PAPOLG: variants seen among roughly 807,000 people sequenced by gnomAD.
PAPOLG encodes the protein PAP-gamma.
PAPOLG carries 40 observed loss-of-function variants against 99.0 expected under a neutral mutation model. That is an observed-to-expected ratio of 0.40 (90% CI 0.31 to 0.53). The LOEUF (loss-of-function observed/expected upper bound fraction) is 0.53, where lower values mean the gene tolerates loss of function less well. Ranked by LOEUF, PAPOLG falls within the 20% of genes least tolerant of loss-of-function variation. The pLI, the probability that PAPOLG is intolerant of heterozygous loss-of-function variation, is 0.41. For synonymous variants in PAPOLG, 310 were observed against 299.3 expected (o/e 1.04, Z -0.37); for missense variants, 675 against 884.1 (o/e 0.76, Z 3.00).
chr2:60,760,353 C>T lies in PAPOLG; in HGVS notation c.179+58C>T, dbSNP rs201864293. 4.3e-5 allele frequency: 63 copies of T among 1,471,274 alleles called. No individual in the cohort carries two copies. The East Asian group carries it at 5.7e-4, about 13-fold the overall frequency. 91.1% of individuals were successfully genotyped at this position (1,471,274 alleles called of 1,614,324 possible). A position where few individuals can be genotyped will look rare whatever the true frequency, so the allele number is the denominator to read the frequency against. On this transcript the variant is annotated intron_variant, in intron 2 of 21. Transcript: ENST00000238714. ...GTGCATTATTTAATCATTAATTCTGCGAACATATTGAATACCTACTGTGTC... is the reference window on the plus strand; with the variant it reads ...GTGCATTATTTAATCATTAATTCTGTGAACATATTGAATACCTACTGTGTC...
intron 1 of PAPOLG, among the ~76,000 whole-genome samples, chr2:60,758,116 A>T (rs199710893): frequency 6.6e-6 from 1 of 152,170 alleles, no homozygotes; most frequent in Non-Finnish European, 1.5e-5. Flanking sequence ...TACTATATAG[A>T]TATGTAGATA....
At chr2:60,761,243 G>A (rs779327068) in intron 2 of PAPOLG, among the ~76,000 whole-genome samples, 25 of 152,170 alleles carry the variant, frequency 1.6e-4, no homozygotes, top group Non-Finnish European at 3.5e-4. Flanking sequence ...TCTTCTAAAT[G>A]TGGATTCATT....
intron 3 of PAPOLG, among the ~76,000 whole-genome samples, chr2:60,768,163 C>T (rs1670738302): frequency 6.6e-6 from 1 of 152,118 alleles, no homozygotes; most frequent in South Asian, 2.1e-4. Context: ...AGTGCAATGG[C>T]ACAATCTCGG....
chr2:60,759,061 A>G (rs948929909), intron 1 of PAPOLG, among the ~76,000 whole-genome samples: 1 of 152,140 alleles, frequency 6.6e-6, no homozygotes, highest in African/African-American at 2.4e-5. Flanking sequence ...TAGTTTGTGT[A>G]AACTCAAAAT....
intron 15 of PAPOLG, among the ~76,000 whole-genome samples, chr2:60,789,033 T>C (rs571477236): frequency 6.6e-6 from 1 of 152,234 alleles, no homozygotes; most frequent in South Asian, 2.1e-4. Context: ...CGTAGGGACA[T>C]GGATGAAATT....
At chr2:60,792,416 G>C in intron 17 of PAPOLG, 127 bp downstream of exon 17, 1 of 921,556 alleles carries the variant, frequency 1.1e-6, no homozygotes, top group East Asian at 2.7e-5. Flanking sequence ...ACTGGCTGCT[G>C]GTCAATTTCT....
chr2:60,792,965 G>C (rs1573257254), intron 17 of PAPOLG, among the ~76,000 whole-genome samples: 2 of 151,912 alleles, frequency 1.3e-5, no homozygotes, highest in African/African-American at 4.8e-5. Context: ...GAACCCAGGA[G>C]GTGGAGGTTG....
chr2:60,768,752 T>C, intron 4 of PAPOLG, 29 bp from the exon 5 acceptor site: 1 of 1,498,678 alleles, frequency 6.7e-7, no homozygotes, highest in Non-Finnish European at 9.0e-7. Flanking sequence ...CATAATATAT[T>C]CTTAATTAAG....
chr2:60,784,076 C>A (rs1444580385), intron 13 of PAPOLG, among the ~76,000 whole-genome samples: 1 of 152,214 alleles, frequency 6.6e-6, no homozygotes, highest in Non-Finnish European at 1.5e-5. Context: ...CGGGTTCAAG[C>A]AATTCTCTGC....
intron 1 of PAPOLG, among the ~76,000 whole-genome samples, chr2:60,758,156 T>C (rs1670405911): frequency 6.6e-6 from 1 of 152,204 alleles, no homozygotes; most frequent in Admixed American, 6.5e-5. Flanking sequence ...TTACCGTATA[T>C]ATTTACATAT....
At chr2:60,795,546 T>C (rs2103830427) in intron 21 of PAPOLG, among the ~76,000 whole-genome samples, 1 of 152,146 alleles carries the variant, frequency 6.6e-6, no homozygotes, top group East Asian at 1.9e-4. Context: ...GTATTAAGTG[T>C]GGTATGCTAA....
chr2:60,759,433 A>C (rs2103752995), intron 1 of PAPOLG, among the ~76,000 whole-genome samples: 1 of 152,276 alleles, frequency 6.6e-6, no homozygotes, highest in South Asian at 2.1e-4. Flanking sequence ...TAGTTTCTTG[A>C]TGGCTAAGAT....
rs142354422 is a variant in PAPOLG at position 60,774,991 on chromosome 2, G to T, written c.605-43G>T. 4.6e-4 allele frequency: 742 copies of T among 1,609,032 alleles called. 5 individuals are homozygous for T. The African/African-American group carries it at 8.9e-3, about 19-fold the overall frequency. ...TTAGGAGGGCATTTGAATTAACTGA[G>T]AATTTGCTGCATAGTGAAAAATGAA... On this transcript the variant is annotated intron_variant, in intron 7 of 21. Transcript: ENST00000238714.
intron 2 of PAPOLG, 140 bp downstream of exon 2, chr2:60,760,435 C>A: frequency 1.4e-6 from 1 of 719,854 alleles, no homozygotes. Flanking sequence ...TTGGAGCTTA[C>A]ATTTTAGGTA....
chr2:60,775,078 G>T lies in PAPOLG; in HGVS notation c.649G>T (p.Glu217Ter). ...AATTTTGCATTTAGTGCCAAATAAAGAAACTTTTAGACTCACCCTAAGAGC... is the reference window on the plus strand; with the variant it reads ...AATTTTGCATTTAGTGCCAAATAAATAAACTTTTAGACTCACCCTAAGAGC... ...DEILHLVPNK[E>*]TFRLTLRAVK... Residue 217 changes from glutamate (E) to a stop codon, truncating the protein, a stop_gained, in exon 8 of 22, where the codon GAA becomes TAA. Coordinates refer to ENST00000238714, the MANE Select transcript of PAPOLG (RefSeq NM_022894.4). LOFTEE classifies it high-confidence loss of function. 1 of 1,613,428 alleles carries T rather than the reference G, an allele frequency of 6.2e-7. No individual in the cohort carries two copies. The highest frequency in any genetic ancestry group is 1.1e-5 in the South Asian group (1 of 90,950).
At chr2:60,760,859 T>C (rs1670502265) in intron 2 of PAPOLG, among the ~76,000 whole-genome samples, 1 of 152,194 alleles carries the variant, frequency 6.6e-6, no homozygotes, top group African/African-American at 2.4e-5. Flanking sequence ...ATTGACATGA[T>C]GACTTAAAAA....
chr2:60,785,690 ATT>A (rs774614184), intron 13 of PAPOLG, among the ~76,000 whole-genome samples: 12 of 136,386 alleles, frequency 8.8e-5, no homozygotes, highest in Admixed American at 2.2e-4. Flanking sequence ...TACCTGGCTG[ATT>A]TTTTTTTTTT....
At chr2:60,764,379 A>G (rs1186526675) in intron 3 of PAPOLG, among the ~76,000 whole-genome samples, 1 of 151,798 alleles carries the variant, frequency 6.6e-6, no homozygotes, top group Non-Finnish European at 1.5e-5. Flanking sequence ...TCTGCCCCTT[A>G]ATCTGCATGG....
rs180803111 is a variant in PAPOLG at position 60,785,437 on chromosome 2, C to T, written c.1167-1510C>T. ...CAGGCGTTAGCCACCGTGCCCAGCC[C>T]GTGAATTTTTTTAAATGCAAAGTCA... On this transcript the variant is annotated intron_variant, in intron 13 of 21. Coordinates refer to ENST00000238714, the MANE Select transcript of PAPOLG (RefSeq NM_022894.4). 8.5e-3 allele frequency among the ~76,000 whole-genome samples: 1,294 copies of T among 152,040 alleles called. 11 individuals are homozygous for T. The highest frequency in any genetic ancestry group is 0.014 in the Non-Finnish European group (929 of 67,970).
Sources: gnomAD v4.1 joint callset for allele counts (sites outside exome capture counted in the v4.1 genomes callset) on GRCh38, gnomAD v4.1.1 for gene constraint, MANE v1.5 for transcripts, NCBI Gene and HGNC (gene_info 2026-07-23, HGNC 2026-07-21) for gene names.